Variants in CADPS observed in about 807,000 individuals in gnomAD.
CADPS encodes the protein calcium-dependent secretion activator 1.
A neutral mutation model predicts 167.3 loss-of-function variants in CADPS; 57 were observed. The observed-to-expected ratio is 0.34, with a 90% CI of 0.28 to 0.42. CADPS has a LOEUF of 0.42. Ranked by LOEUF, CADPS falls within the 20% of genes least tolerant of loss-of-function variation. The probability of loss-of-function intolerance (pLI) is 1.00; values close to 1 mark genes in which losing one functional copy is unlikely to be tolerated. For missense variants in CADPS, 1,414 were observed against 1,738.1 expected, an observed-to-expected ratio of 0.81 and a Z score of 3.32; for synonymous variants, 676 against 635.3, an observed-to-expected ratio of 1.06 and a Z score of -0.96.
At chr3:62,633,827 A>G (rs1314851571) in intron 6 of CADPS, among the ~76,000 whole-genome samples, 1 of 152,170 alleles carries the variant, frequency 6.6e-6, no homozygotes, top group Non-Finnish European at 1.5e-5. Context: ...CCAAATATAG[A>G]TGTCACTGAA....
At position 62,875,181 on chromosome 3, in the gene CADPS, G is replaced by C. The variant is rs1414390572; in HGVS notation, c.-152C>G. On this transcript the variant is annotated 5_prime_UTR_variant, in exon 1 of 30. Coordinates refer to ENST00000383710, the MANE Select transcript of CADPS (RefSeq NM_003716.4). ...GCTGCTGCTCAGCCTCGGCCGCCGC[G>C]ACTGATCCTCTGCCCGGCGGTCGCG... is the stretch of plus-strand genomic sequence containing the variant. The C allele has an allele frequency of 2.8e-6, 3 of 1,057,378 alleles. No homozygotes were observed. Among genetic ancestry groups the C allele is most frequent in the Non-Finnish European group, 3.7e-6 (3 of 821,902 alleles). 65.5% of individuals were successfully genotyped at this position (1,057,378 alleles called of 1,614,324 possible).
At chr3:62,608,143 G>A (rs1233312432) in intron 6 of CADPS, among the ~76,000 whole-genome samples, 3 of 151,998 alleles carry the variant, frequency 2.0e-5, no homozygotes, top group East Asian at 3.9e-4. Context: ...TCCTTACACT[G>A]ACCACTGGGG....
Position 62,742,613 on chromosome 3 carries a change from A to C in CADPS, c.888+10828T>G, listed in dbSNP as rs1488278229. ...ACTGGACACCTTCCTTACACCATAC[A>C]CAAAAATTAACTCAAGATAGATTAA... On this transcript the variant is annotated intron_variant, in intron 3 of 29. Transcript: ENST00000383710. Among the ~76,000 whole-genome samples the C allele has an allele frequency of 2.6e-5, 4 of 152,212 alleles. No individual in the cohort carries two copies. In the East Asian group the frequency reaches 7.7e-4, roughly 29 times the overall value.
chr3:62,714,834 T>G (rs1260107978), intron 3 of CADPS, among the ~76,000 whole-genome samples: 1 of 152,152 alleles, frequency 6.6e-6, no homozygotes, highest in Non-Finnish European at 1.5e-5. Flanking sequence ...AAAATTAAGT[T>G]TCTACCTATA....
chr3:62,553,249 G>C (rs568677659), intron 10 of CADPS, among the ~76,000 whole-genome samples: 10 of 152,310 alleles, frequency 6.6e-5, no homozygotes, highest in African/African-American at 2.4e-4. Flanking sequence ...TCAGTTCATG[G>C]AGTTACTTTG....
chr3:62,802,884 G>A (rs920948327), intron 1 of CADPS, among the ~76,000 whole-genome samples: 4 of 152,126 alleles, frequency 2.6e-5, no homozygotes, highest in African/African-American at 9.7e-5. Flanking sequence ...AGAGAAAAGA[G>A]GCATTTTTCT....
chr3:62,690,118 T>G (rs1451021448), intron 3 of CADPS, among the ~76,000 whole-genome samples: 1 of 152,040 alleles, frequency 6.6e-6, no homozygotes, highest in African/African-American at 2.4e-5. Flanking sequence ...TTTTTTTTAA[T>G]GGAAATTTTT....
At chr3:62,593,341 A>C (rs1334700940) in intron 6 of CADPS, among the ~76,000 whole-genome samples, 1 of 152,188 alleles carries the variant, frequency 6.6e-6, no homozygotes, top group Non-Finnish European at 1.5e-5. Flanking sequence ...TAGTTTGTGG[A>C]TATCGGAGTC....
chr3:62,616,668 T>C (rs186814237), intron 6 of CADPS, among the ~76,000 whole-genome samples: 1 of 152,318 alleles, frequency 6.6e-6, no homozygotes, highest in East Asian at 1.9e-4. Flanking sequence ...ATGTTTACTA[T>C]ATCCTCAATA....
At chr3:62,631,292 T>C (rs2065233427) in intron 6 of CADPS, among the ~76,000 whole-genome samples, 2 of 152,196 alleles carry the variant, frequency 1.3e-5, no homozygotes, top group Admixed American at 6.5e-5. Flanking sequence ...GGCAGACCCA[T>C]TGTCACTTAA....
intron 2 of CADPS, among the ~76,000 whole-genome samples, chr3:62,757,909 T>C (rs1575950850): frequency 6.6e-6 from 1 of 152,254 alleles, no homozygotes; most frequent in Non-Finnish European, 1.5e-5. Context: ...CCATCAGATA[T>C]CTTGAGACTT....
intron 3 of CADPS, among the ~76,000 whole-genome samples, chr3:62,669,246 G>A (rs2075075591): frequency 6.6e-6 from 1 of 152,178 alleles, no homozygotes; most frequent in Admixed American, 6.5e-5. Flanking sequence ...CTGCAGAGGA[G>A]GGTGGAGGCA....
chr3:62,863,662 C>T lies in CADPS; in HGVS notation c.441+10927G>A, dbSNP rs760824019. On this transcript the variant is annotated intron_variant, in intron 1 of 29. Coordinates refer to ENST00000383710, the MANE Select transcript of CADPS (RefSeq NM_003716.4). ...TGGATGGGGAGCAAAGATCTACTTA[C>T]GCCATGGAAGTAAGTTTCGATTTTA... is the stretch of plus-strand genomic sequence containing the variant. Among the ~76,000 whole-genome samples, 13 of 152,230 alleles carry T rather than the reference C, an allele frequency of 8.5e-5. No individual in the cohort carries two copies. In the South Asian group the frequency reaches 2.5e-3, roughly 29 times the overall value.
At position 62,650,818 on chromosome 3, in the gene CADPS, G is replaced by A. The variant is rs555492991; in HGVS notation, c.1203+29C>T. On this transcript the variant is annotated intron_variant, in intron 5 of 29. Coordinates refer to ENST00000383710, the MANE Select transcript of CADPS (RefSeq NM_003716.4). ...GCCCATGTCCTACTTGCTGTGCCAA[G>A]AAACTTTCAAGGGCTCAGGGCTTTT... is the stretch of plus-strand genomic sequence containing the variant. 1.4e-3 allele frequency: 2,189 copies of A among 1,576,210 alleles called. 43 individuals carry two copies. The South Asian group carries it at 0.022, about 16-fold the overall frequency.
intron 26 of CADPS, among the ~76,000 whole-genome samples, chr3:62,449,989 A>G (rs1353875319): frequency 1.3e-5 from 2 of 152,158 alleles, no homozygotes; most frequent in African/African-American, 4.8e-5. Context: ...ACGCTACTCA[A>G]AGGGTTCAAC....
intron 28 of CADPS, among the ~76,000 whole-genome samples, chr3:62,434,090 A>G (rs1165672859): frequency 6.6e-6 from 1 of 152,182 alleles, no homozygotes; most frequent in Non-Finnish European, 1.5e-5. Context: ...TGAGTCTCAC[A>G]GCAGTCTGAT....
chr3:62,786,621 G>A (rs551170454), intron 1 of CADPS, among the ~76,000 whole-genome samples: 55 of 152,026 alleles, frequency 3.6e-4, no homozygotes, highest in Non-Finnish European at 4.9e-4. Flanking sequence ...CTTCAGCCTG[G>A]GTGACAGAGT....
At chr3:62,827,560 C>T (rs2074291933) in intron 1 of CADPS, among the ~76,000 whole-genome samples, 1 of 152,144 alleles carries the variant, frequency 6.6e-6, no homozygotes, top group Admixed American at 6.6e-5. Context: ...AATTCATACT[C>T]CTAGCAGTTA....
At chr3:62,484,242 T>C (rs2150915966) in intron 21 of CADPS, among the ~76,000 whole-genome samples, 1 of 152,312 alleles carries the variant, frequency 6.6e-6, no homozygotes, top group Non-Finnish European at 1.5e-5. Context: ...AAAAATAATG[T>C]AGTGTATTAC....
Sources: gnomAD v4.1 joint callset for allele counts (sites outside exome capture counted in the v4.1 genomes callset) on GRCh38, gnomAD v4.1.1 for gene constraint, MANE v1.5 for transcripts, NCBI Gene and HGNC (gene_info 2026-07-23, HGNC 2026-07-21) for gene names.